The following SETD5 variants were observed in gnomAD, a reference collection of about 807,000 sequenced individuals.
The protein encoded by SETD5 is histone-lysine N-methyltransferase SETD5.
Under a neutral mutation model 153.3 loss-of-function variants are expected in SETD5, and 44 were observed. The ratio of observed to expected loss-of-function variants is 0.29; its 90% confidence interval spans 0.23 to 0.37. The LOEUF is 0.37. Ranked by LOEUF, SETD5 falls within the 10% of genes least tolerant of loss-of-function variation. The probability of loss-of-function intolerance (pLI) is 1.00; values close to 1 mark genes in which losing one functional copy is unlikely to be tolerated. For missense variants in SETD5, 1,544 were observed against 1,768.0 expected, an observed-to-expected ratio of 0.87 and a Z score of 2.27; for synonymous variants, 716 against 645.2, an observed-to-expected ratio of 1.11 and a Z score of -1.66.
At chr3:9,461,679 C>G (rs1012413712) in intron 17 of SETD5, among the ~76,000 whole-genome samples, 4 of 152,142 alleles carry the variant, frequency 2.6e-5, no homozygotes, top group Non-Finnish European at 5.9e-5. Context: ...ATAATAAGTA[C>G]TCAGTAAATA....
At chr3:9,474,195 ATGGGG>A (rs2045624419) in intron 20 of SETD5, among the ~76,000 whole-genome samples, 1 of 152,218 alleles carries the variant, frequency 6.6e-6, no homozygotes, top group Non-Finnish European at 1.5e-5. Flanking sequence ...AACATTTTAA[ATGGGG>A]GTTAAGGGAA....
At chr3:9,466,434 T>G (rs1413348452) in intron 18 of SETD5, among the ~76,000 whole-genome samples, 2 of 152,150 alleles carry the variant, frequency 1.3e-5, no homozygotes, top group Non-Finnish European at 2.9e-5. Flanking sequence ...GGTTTTGTTT[T>G]GTTTTGTTTT....
chr3:9,445,965 G>GGTTTTTT (rs2041907619), intron 13 of SETD5, among the ~76,000 whole-genome samples: 1 of 86,476 alleles, frequency 1.2e-5, no homozygotes, highest in African/African-American at 4.7e-5. Flanking sequence ...TGAAGAGGTT[G>GGTTTTTT]TTTTTTTTTT....
chr3:9,464,573 C>T lies in SETD5; in HGVS notation c.2625C>T (p.His875=). Reference sequence around the variant, plus strand: ...AGCTGGCCACACCTGGCTCATCTCACCCAGGAGAAGAGGAGTGTCGAAATG... The same window carrying T: ...AGCTGGCCACACCTGGCTCATCTCATCCAGGAGAAGAGGAGTGTCGAAATG... The part of the protein sequence containing the change: ...SPQLATPGSS[H]PGEEECRNGY... The change falls in exon 18 of 23, where the codon CAC becomes CAT. Residue 875 remains histidine, a synonymous_variant. Coordinates refer to ENST00000402198, the MANE Select transcript of SETD5 (RefSeq NM_001080517.3). The T allele has an allele frequency of 2.5e-6, 4 of 1,613,970 alleles. No homozygotes were observed. The highest frequency in any genetic ancestry group is 2.2e-5 in the East Asian group (1 of 44,878).
intron 1 of SETD5, among the ~76,000 whole-genome samples, chr3:9,400,852 A>G (rs1022439384): frequency 1.3e-5 from 2 of 152,214 alleles, no homozygotes; most frequent in Non-Finnish European, 2.9e-5. Context: ...CCTGAACATT[A>G]GGATGATCTC....
Position 9,447,944 on chromosome 3 carries a change from G to C in SETD5, c.2041G>C (p.Val681Leu), listed in dbSNP as rs2042203423. 1.9e-6 allele frequency: 3 copies of C among 1,613,812 alleles called. No homozygotes were observed. The highest frequency in any genetic ancestry group is 2.2e-5 in the East Asian group (1 of 44,894). The change falls in exon 15 of 23, where the codon GTG becomes CTG. Residue 681 changes from valine to leucine, a missense_variant. Around this residue, in one of 9 missense-constraint regions of SETD5, gnomAD observed 782 missense variants for 787.2 expected, o/e 0.99. Coordinates refer to ENST00000402198, the MANE Select transcript of SETD5 (RefSeq NM_001080517.3). ...GCCATTAACAGGGTCTGACCCAACT[G>C]TGGTGTCAATTACTGGATCCCATGT... is the stretch of plus-strand genomic sequence containing the variant. The part of the protein sequence containing the change: ...NRPLTGSDPT[V>L]VSITGSHVNR...
Position 9,477,395 on chromosome 3 carries a change from T to C in SETD5, c.*1304T>C, listed in dbSNP as rs926953563. On this transcript the variant is annotated 3_prime_UTR_variant, in exon 23 of 23. Coordinates refer to ENST00000402198, the MANE Select transcript of SETD5 (RefSeq NM_001080517.3). ...AATATCTGGCGTGTTTTTATTTATC[T>C]AATTTTGTATTCAGTTATAACCATG... is the stretch of plus-strand genomic sequence containing the variant. The C allele has an allele frequency of 1.3e-5, 2 of 152,680 alleles. No individual in the cohort carries two copies. The highest frequency in any genetic ancestry group is 4.8e-5 in the African/African-American group (2 of 41,464). 9.5% of individuals were successfully genotyped at this position (152,680 alleles called of 1,614,324 possible). A position where few individuals can be genotyped will look rare whatever the true frequency, so the allele number is the denominator to read the frequency against.
chr3:9,445,341 C>A, intron 12 of SETD5, 41 bp downstream of exon 12: 1 of 1,578,348 alleles, frequency 6.3e-7, no homozygotes, highest in Non-Finnish European at 8.6e-7. Context: ...TGGCATCAAT[C>A]CTCCAAAGGA....
chr3:9,406,576 C>G (rs2035716409), intron 1 of SETD5, among the ~76,000 whole-genome samples: 1 of 145,874 alleles, frequency 6.9e-6, no homozygotes, highest in Non-Finnish European at 1.5e-5. Context: ...CCACTGCACT[C>G]CAGCCTGGGC....
In SETD5 at chr3:9,475,331, G is replaced by C; in HGVS notation, c.3721-152G>C. On this transcript the variant is annotated intron_variant, in intron 22 of 22. Coordinates refer to ENST00000402198, the MANE Select transcript of SETD5 (RefSeq NM_001080517.3). ...AATTATGCCAGAAGATGAATACGGT[G>C]ATCAAAGACAGACATTTTACTGCCT... The C allele has an allele frequency of 4.1e-6, 5 of 1,209,482 alleles. 1 individual carries two copies. The South Asian group carries it at 8.0e-5, about 19-fold the overall frequency. The allele number at this position is 1,209,482 out of a possible 1,614,324, so 74.9% of individuals were successfully genotyped here. A position where few individuals can be genotyped will look rare whatever the true frequency, so the allele number is the denominator to read the frequency against.
intron 17 of SETD5, among the ~76,000 whole-genome samples, chr3:9,460,039 C>T (rs1029840469): frequency 2.0e-5 from 3 of 151,734 alleles, no homozygotes; most frequent in African/African-American, 7.3e-5. Flanking sequence ...AAAGTAATTA[C>T]ACCAACCCCC....
chr3:9,431,413 TAA>T, intron 3 of SETD5: 1 of 975,872 alleles, frequency 1.0e-6, no homozygotes, highest in Non-Finnish European at 1.2e-6. Flanking sequence ...GGTTGGCTGC[TAA>T]AGAGATGTAA....
At chr3:9,429,419 G>A (rs1397115879) in intron 3 of SETD5, 1 of 167,126 alleles carries the variant, frequency 6.0e-6, no homozygotes, top group Non-Finnish European at 1.3e-5. Context: ...TTGTTCTAGA[G>A]TAAAGGGGCC....
chr3:9,453,813 C>T lies in SETD5; in HGVS notation c.2421C>T (p.His807=), dbSNP rs370594564. ...TACCCCAAGAGACTAGAACTCAGCA[C>T]CTATACCAAAGCAATGAGAATAGTA... is the stretch of plus-strand genomic sequence containing the variant. The part of the protein sequence containing the change: ...SSVPQETRTQ[H]LYQSNENSSS... Residue 807 remains histidine, a synonymous_variant, in exon 17 of 23, where the codon CAC becomes CAT. Transcript: ENST00000402198. 3 of 1,607,714 alleles carry T rather than the reference C, an allele frequency of 1.9e-6. No individual in the cohort carries two copies. In the Admixed American group the frequency reaches 5.2e-5, roughly 28 times the overall value.
chr3:9,405,647 A>G (rs1313562611), intron 1 of SETD5, among the ~76,000 whole-genome samples: 3 of 152,196 alleles, frequency 2.0e-5, no homozygotes, highest in Admixed American at 6.5e-5. Context: ...ATGTAGTAAG[A>G]TGATTGTTTC....
chr3:9,413,399 CTT>C (rs2036892977), intron 1 of SETD5, among the ~76,000 whole-genome samples: 1 of 152,140 alleles, frequency 6.6e-6, no homozygotes, highest in South Asian at 2.1e-4. Flanking sequence ...GAAAAGGTAT[CTT>C]ATAAATATCA....
chr3:9,406,980 A>C (rs757581964), intron 1 of SETD5, among the ~76,000 whole-genome samples: 58 of 152,350 alleles, frequency 3.8e-4, no homozygotes, highest in Middle Eastern at 3.4e-3. Flanking sequence ...CCAGATATTT[A>C]GTGTTAATCC....
chr3:9,470,643 T>A lies in SETD5; in HGVS notation c.2909T>A (p.Val970Glu). The A allele has an allele frequency of 6.2e-7, 1 of 1,613,976 alleles. No individual in the cohort carries two copies. The change falls in exon 19 of 23, where the codon GTG (valine) becomes GAG (glutamate). Residue 970 changes from valine (V) to glutamate (E), a missense_variant. Val to Glu is a moderately radical substitution (Grantham distance 121). This residue lies in a region of SETD5 where 782 missense variants were observed against 787.2 expected (regional missense o/e 0.99). Coordinates refer to ENST00000402198, the MANE Select transcript of SETD5 (RefSeq NM_001080517.3). ...SRSGDGHQTL[V>E]RNSDQAFRTE... ...AGTGGAGATGGACATCAGACCCTCG[T>A]GAGAAACTCAGACCAGGCATTTCGG...
At position 9,413,242 on chromosome 3, in the gene SETD5, AAG is replaced by A. The variant is rs1176939237; in HGVS notation, c.-176-11222_-176-11221del. Among the ~76,000 whole-genome samples, 3 of 152,278 alleles carry A rather than the reference AAG, an allele frequency of 2.0e-5. No individual in the cohort carries two copies. In the East Asian group the frequency reaches 5.8e-4, roughly 29 times the overall value. On this transcript the variant is annotated intron_variant, in intron 1 of 22. Transcript: ENST00000402198. ...CCTACATATATAATGAGTTTATACT[AAG>A]AGGGAAATTTTAATATTATAAAGAA...
Sources: allele counts gnomAD v4.1 joint callset (sites outside exome capture counted in the v4.1 genomes callset), GRCh38; gene constraint gnomAD v4.1.1; regional missense constraint gnomAD v4.1.1; transcripts MANE v1.5; gene names NCBI Gene and HGNC (gene_info 2026-07-23, HGNC 2026-07-21).